The following SFXN5 variants were observed in gnomAD, a reference collection of about 807,000 sequenced individuals.
SFXN5 encodes the protein sideroflexin-5.
In SFXN5, 43 loss-of-function variants were observed where a neutral mutation model predicts 50.2. The observed-to-expected ratio is 0.86, with a 90% CI of 0.67 to 1.11. The LOEUF is 1.11. SFXN5 is among the 50% of genes least tolerant of loss of function. The pLI is 0.00. For missense variants in SFXN5, 463 were observed against 454.1 expected (o/e 1.02, Z -0.18); for synonymous variants, 203 against 185.8 (o/e 1.09, Z -0.75).
intron 6 of SFXN5, among the ~76,000 whole-genome samples, chr2:73,007,127 G>T (rs746890937): frequency 5.3e-5 from 8 of 152,144 alleles, no homozygotes; most frequent in African/African-American, 9.7e-5. Context: ...GAAGATAAAG[G>T]CAGGAGGGGT....
At chr2:72,986,383 C>T (rs1671926818) in intron 10 of SFXN5, among the ~76,000 whole-genome samples, 1 of 152,136 alleles carries the variant, frequency 6.6e-6, no homozygotes, top group African/African-American at 2.4e-5. Context: ...CTTGCTCCTC[C>T]CAGAGCTCTG....
At chr2:73,058,789 T>G (rs1682476105) in intron 1 of SFXN5, among the ~76,000 whole-genome samples, 193 bp from the exon 2 acceptor site, 1 of 152,000 alleles carries the variant, frequency 6.6e-6, no homozygotes. Context: ...CAAAGTCAAC[T>G]CAGAGAGACC....
chr2:73,048,324 T>C (rs1680783044), intron 2 of SFXN5, among the ~76,000 whole-genome samples: 2 of 152,218 alleles, frequency 1.3e-5, no homozygotes, highest in Admixed American at 1.3e-4. Context: ...TTCAAAATTC[T>C]TGTGCCTCAG....
intron 10 of SFXN5, among the ~76,000 whole-genome samples, chr2:72,977,974 G>GACA (rs1219185619): frequency 3.2e-3 from 130 of 40,950 alleles, no homozygotes; most frequent in African/African-American, 0.011. Flanking sequence ...CTCTGCCTCA[G>GACA]AAAAAAAAAA....
intron 1 of SFXN5, among the ~76,000 whole-genome samples, chr2:73,064,722 G>C (rs538385276): frequency 6.6e-6 from 1 of 152,316 alleles, no homozygotes; most frequent in South Asian, 2.1e-4. Flanking sequence ...ACTAGGCCTT[G>C]GTCCCCAGCA....
In SFXN5 at chr2:72,974,080, G is replaced by A. The variant is rs143240633; in HGVS notation, c.626-2395C>T. On this transcript the variant is annotated intron_variant, in intron 10 of 13. Transcript: ENST00000272433. ...CACCCAACCCCACCTTGGCTTCTCC[G>A]GGCATAAAAGGAGGGGCAGAATGTA... Among the ~76,000 whole-genome samples the A allele has an allele frequency of 4.5e-3, 692 of 152,298 alleles. 4 individuals are homozygous for A. Among genetic ancestry groups the A allele is most frequent in the African/African-American group, 0.014 (592 of 41,554 alleles).
intron 12 of SFXN5, among the ~76,000 whole-genome samples, chr2:72,964,448 G>C (rs1424759024): frequency 1.3e-5 from 2 of 152,252 alleles, no homozygotes; most frequent in Non-Finnish European, 2.9e-5. Flanking sequence ...CAACAAACAA[G>C]GTGATGAAGG....
chr2:73,044,139 A>T (rs1679999840), intron 2 of SFXN5, among the ~76,000 whole-genome samples: 1 of 152,154 alleles, frequency 6.6e-6, no homozygotes, highest in Non-Finnish European at 1.5e-5. Flanking sequence ...AGTTCCTATA[A>T]CAACCTGGCC....
At chr2:72,990,104 T>C (rs1189769912) in intron 9 of SFXN5, among the ~76,000 whole-genome samples, 1 of 152,222 alleles carries the variant, frequency 6.6e-6, no homozygotes, top group Non-Finnish European at 1.5e-5. Context: ...AGGCTGCGAC[T>C]GTGAGACCCA....
At chr2:72,994,634 CCCCACGTCCA>C (rs1355058813) in intron 9 of SFXN5, among the ~76,000 whole-genome samples, 2 of 152,096 alleles carry the variant, frequency 1.3e-5, no homozygotes, top group African/African-American at 4.8e-5. Flanking sequence ...TCCTCTCCAG[CCCCACGTCCA>C]CCCTCATTCA....
At chr2:73,008,799 A>G (rs1201524757) in intron 6 of SFXN5, among the ~76,000 whole-genome samples, 1 of 152,212 alleles carries the variant, frequency 6.6e-6, no homozygotes, top group Non-Finnish European at 1.5e-5. Flanking sequence ...CCGAAGGGGG[A>G]AAAAGTTCCC....
intron 1 of SFXN5, chr2:73,059,315 G>T (rs1279536389): frequency 1.0e-6 from 1 of 985,558 alleles, no homozygotes; most frequent in African/African-American, 1.7e-5. Flanking sequence ...AGCTCAAGGG[G>T]AAGACAGAGG....
rs1359857113 is a variant in SFXN5 at position 72,968,454 on chromosome 2, A to G, written c.821T>C (p.Leu274Pro). ...CCTGGCTGCCCCAACTCACTTCTCCAGCATGGACATGACGATCGGGGGTAG... is the reference window on the plus strand; with the variant it reads ...CCTGGCTGCCCCAACTCACTTCTCCGGCATGGACATGACGATCGGGGGTAG... ...LVLPPIVMSM[L>P]EKTALLQARP... Residue 274 changes from leucine (L) to proline (P), a missense_variant, in exon 12 of 14, where the codon CTG becomes CCG. By Grantham distance (98) the Leu-to-Pro change is moderately conservative. Transcript: ENST00000272433. 1 of 1,607,610 alleles carries G rather than the reference A, an allele frequency of 6.2e-7. No individual in the cohort carries two copies. The highest frequency in any genetic ancestry group is 8.5e-7 in the Non-Finnish European group (1 of 1,178,058).
intron 13 of SFXN5, among the ~76,000 whole-genome samples, chr2:72,947,435 A>G (rs771423708): frequency 3.3e-5 from 5 of 152,224 alleles, no homozygotes; most frequent in Non-Finnish European, 7.3e-5. Flanking sequence ...TACTGCAGTG[A>G]GAAGGTCCCC....
chr2:73,035,160 C>T (rs1168951950), intron 3 of SFXN5, among the ~76,000 whole-genome samples: 1 of 152,178 alleles, frequency 6.6e-6, no homozygotes, highest in African/African-American at 2.4e-5. Flanking sequence ...ACTTATGGTG[C>T]AATACCTGCC....
chr2:73,007,777 T>C (rs1674905149), intron 6 of SFXN5, among the ~76,000 whole-genome samples: 1 of 152,198 alleles, frequency 6.6e-6, no homozygotes, highest in East Asian at 1.9e-4. Context: ...TCCTGTTTTT[T>C]CCTTCTACTG....
rs1366983991 is a variant in SFXN5, at chr2:72,998,989, T to C, written c.494A>G (p.Gln165Arg). 1 of 1,614,044 alleles carries C rather than the reference T, an allele frequency of 6.2e-7. No homozygotes were observed. Among genetic ancestry groups the C allele is most frequent in the Admixed American group, 1.7e-5 (1 of 59,996 alleles). The change falls in exon 9 of 14, where the codon CAG becomes CGG. Residue 165 changes from glutamine (Q) to arginine (R), a missense_variant. Transcript: ENST00000272433. ...GCTGATGACAGCTCCCAGGTATCCC[T>C]GGATGAACTTGGATGCAGGTGAAGG... Reference protein sequence around the residue: ...TKPSPASKFIQGYLGAVISAV... With the variant: ...TKPSPASKFIRGYLGAVISAV...
intron 6 of SFXN5, among the ~76,000 whole-genome samples, chr2:73,011,057 A>G (rs1675441450): frequency 6.6e-6 from 1 of 152,258 alleles, no homozygotes; most frequent in South Asian, 2.1e-4. Context: ...ATTGATAAAT[A>G]CATCCAAGAG....
In SFXN5 at chr2:72,943,816, T is replaced by A. The variant is rs866196269; in HGVS notation, c.*1206A>T. ...GGACATGCCCAGGATGACCAGCATC[T>A]GAGCAGGACAAGCAAAGACGAGGTC... On this transcript the variant is annotated 3_prime_UTR_variant, in exon 14 of 14. Transcript: ENST00000272433. 47 of 152,706 alleles carry A rather than the reference T, an allele frequency of 3.1e-4. 1 individual carries two copies. Among genetic ancestry groups the A allele is most frequent in the African/African-American group, 9.6e-4 (40 of 41,588 alleles). 9.5% of individuals were successfully genotyped at this position (152,706 alleles called of 1,614,324 possible). A position where few individuals can be genotyped will look rare whatever the true frequency, so the allele number is the denominator to read the frequency against.
Sources: allele counts gnomAD v4.1 joint callset (sites outside exome capture counted in the v4.1 genomes callset), GRCh38; gene constraint gnomAD v4.1.1; transcripts MANE v1.5; gene names NCBI Gene and HGNC (gene_info 2026-07-23, HGNC 2026-07-21).